Variants in PFKFB3 observed in about 807,000 individuals in gnomAD.
PFKFB3 encodes 6-phosphofructo-2-kinase/fructose-2,6-bisphosphatase 3.
Under a neutral mutation model 68.0 loss-of-function variants are expected in PFKFB3, and 33 were observed. The ratio of observed to expected loss-of-function variants is 0.49; its 90% CI spans 0.37 to 0.65. PFKFB3 has a LOEUF of 0.65. Among genes scored for constraint, PFKFB3 ranks in the 30% least tolerant of loss-of-function variants. PFKFB3 has a pLI of 0.00. For missense variants in PFKFB3, 586 were observed against 712.2 expected (o/e 0.82, Z 2.02); for synonymous variants, 315 against 288.2 (o/e 1.09, Z -0.94).
At chr10:6,178,732 A>G (rs1842610409) in intron 1 of PFKFB3, among the ~76,000 whole-genome samples, 1 of 152,174 alleles carries the variant, frequency 6.6e-6, no homozygotes, top group South Asian at 2.1e-4. Context: ...TGTCAGAGCC[A>G]CCCCATCGTG....
At chr10:6,175,312 A>G (rs1045141331) in intron 1 of PFKFB3, among the ~76,000 whole-genome samples, 1 of 152,068 alleles carries the variant, frequency 6.6e-6, no homozygotes, top group Non-Finnish European at 1.5e-5. Context: ...CCTTTCCATC[A>G]TGGCACTTTG....
chr10:6,161,836 C>G (rs112147096), intron 1 of PFKFB3, among the ~76,000 whole-genome samples: 63 of 152,282 alleles, frequency 4.1e-4, no homozygotes, highest in African/African-American at 1.5e-3. Flanking sequence ...CAGGGTTTCA[C>G]TATGTTGCCC....
chr10:6,320,432 A>G, the PFKFB3 span, among the ~76,000 whole-genome samples: 1 of 151,940 alleles, frequency 6.6e-6, no homozygotes, highest in Admixed American at 6.6e-5. Flanking sequence ...TGGCTCATGG[A>G]TGTCATGAAG....
At chr10:6,282,981 T>C in the PFKFB3 span, among the ~76,000 whole-genome samples, 16 of 152,334 alleles carry the variant, frequency 1.1e-4, no homozygotes, top group East Asian at 2.9e-3. Context: ...ATTTATTTAT[T>C]TGAGACAGAG....
chr10:6,258,634 C>G (rs778998294), downstream of PFKFB3, among the ~76,000 whole-genome samples: 1 of 152,226 alleles, frequency 6.6e-6, no homozygotes, highest in African/African-American at 2.4e-5. Flanking sequence ...AAAACCTGCT[C>G]TTAGCCTAGT....
chr10:6,258,405 G>A (rs964012060), downstream of PFKFB3, among the ~76,000 whole-genome samples: 1 of 152,250 alleles, frequency 6.6e-6, no homozygotes, highest in Non-Finnish European at 1.5e-5. Context: ...TACAGCAGGA[G>A]CATGTGCCTG....
intron 1 of PFKFB3, among the ~76,000 whole-genome samples, chr10:6,176,245 C>T (rs796887193): frequency 1.3e-5 from 2 of 152,130 alleles, no homozygotes; most frequent in Admixed American, 6.5e-5. Context: ...CCCTGCAGAT[C>T]GTCTGTATCC....
the PFKFB3 span, among the ~76,000 whole-genome samples, chr10:6,263,213 G>A: frequency 6.8e-4 from 103 of 152,350 alleles, 1 homozygote; most frequent in South Asian, 1.9e-3. Context: ...GGGATGGGCC[G>A]AATTAAAGAA....
the PFKFB3 span, among the ~76,000 whole-genome samples, chr10:6,273,080 C>T: frequency 6.9e-6 from 1 of 145,490 alleles, no homozygotes; most frequent in Non-Finnish European, 1.5e-5. Flanking sequence ...GATTTCAGCT[C>T]ACGACAACCT....
intron 1 of PFKFB3, among the ~76,000 whole-genome samples, chr10:6,171,955 G>A (rs1017685145): frequency 1.1e-4 from 16 of 152,254 alleles, no homozygotes; most frequent in African/African-American, 3.6e-4. Flanking sequence ...GGAGCCCAAA[G>A]TTCTGCAGCT....
downstream of PFKFB3, among the ~76,000 whole-genome samples, chr10:6,236,795 G>A (rs1846022499): frequency 6.6e-6 from 1 of 152,178 alleles, no homozygotes; most frequent in Admixed American, 6.5e-5. Flanking sequence ...TGGGCCGGCC[G>A]GGCTGTGGGG....
the PFKFB3 span, among the ~76,000 whole-genome samples, chr10:6,312,037 T>C: frequency 6.6e-6 from 1 of 152,122 alleles, no homozygotes; most frequent in Non-Finnish European, 1.5e-5. Context: ...TGCCAAATGA[T>C]GAAGGGAAAA....
chr10:6,255,929 C>T (rs900829447), downstream of PFKFB3, among the ~76,000 whole-genome samples: 10 of 152,168 alleles, frequency 6.6e-5, no homozygotes, highest in African/African-American at 2.2e-4. Context: ...GACATTCACC[C>T]GGTTCCTCCT....
At chr10:6,231,355 C>G in intron 14 of PFKFB3, 1 of 1,611,564 alleles carries the variant, frequency 6.2e-7, no homozygotes, top group South Asian at 1.1e-5. Context: ...CGCACCGCGT[C>G]ACGGCATCTG....
At chr10:6,236,906 G>A (rs2132069834), downstream of PFKFB3, among the ~76,000 whole-genome samples, 1 of 152,322 alleles carries the variant, frequency 6.6e-6, no homozygotes, top group African/African-American at 2.4e-5. Flanking sequence ...CAGTAACCGG[G>A]TGGATGCTGT....
At chr10:6,194,000 G>C (rs1843100691) in intron 1 of PFKFB3, among the ~76,000 whole-genome samples, 1 of 146,196 alleles carries the variant, frequency 6.8e-6, no homozygotes, top group South Asian at 2.1e-4. Context: ...TGATGGCTTA[G>C]CTTGGGCTCA....
At chr10:6,281,720 A>C in the PFKFB3 span, among the ~76,000 whole-genome samples, 1 of 152,066 alleles carries the variant, frequency 6.6e-6, no homozygotes, top group Non-Finnish European at 1.5e-5. Flanking sequence ...TATTAACTAA[A>C]GTTTCCTTAA....
the PFKFB3 span, among the ~76,000 whole-genome samples, chr10:6,262,380 G>C: frequency 2.0e-4 from 1 of 5,108 alleles, no homozygotes; most frequent in Non-Finnish European, 1.2e-3. Flanking sequence ...CGTGAACCCT[G>C]GGGGGCGGAG....
intron 1 of PFKFB3, among the ~76,000 whole-genome samples, chr10:6,188,168 T>A (rs185230179): frequency 6.6e-6 from 1 of 152,078 alleles, no homozygotes; most frequent in East Asian, 1.9e-4. Context: ...GACGCAGACA[T>A]GATGCCCTTT....
Sources: gnomAD v4.1 joint callset for allele counts (sites outside exome capture counted in the v4.1 genomes callset) on GRCh38, gnomAD v4.1.1 for gene constraint, MANE v1.5 for transcripts, NCBI Gene and HGNC (gene_info 2026-07-23, HGNC 2026-07-21) for gene names.